The following CCSER2 variants were observed in gnomAD, a reference collection of about 807,000 sequenced individuals.
CCSER2 encodes coiled-coil serine rich protein 2.
CCSER2 carries 46 observed loss-of-function variants against 92.3 expected under a neutral mutation model. The observed-to-expected ratio is 0.50, with a 90% CI of 0.39 to 0.64. The LOEUF (loss-of-function observed/expected upper bound fraction) is 0.64. CCSER2 is among the 30% of genes least tolerant of loss of function. The probability of loss-of-function intolerance (pLI) is 0.00; values close to 1 mark genes in which losing one functional copy is unlikely to be tolerated. For synonymous variants in CCSER2, 433 were observed against 431.4 expected, an observed-to-expected ratio of 1.00 and a Z score of -0.04; for missense variants, 1,244 against 1,238.9, an observed-to-expected ratio of 1.00 and a Z score of -0.06.
At position 84,425,752 on chromosome 10, in the gene CCSER2, G is replaced by A. The variant is rs370948089; in HGVS notation, c.1727G>A (p.Arg576His). The change falls in exon 5 of 10, where the codon CGC (arginine) becomes CAC (histidine). Residue 576 changes from arginine to histidine, a missense_variant. Coordinates refer to ENST00000372088, the MANE Select transcript of CCSER2 (RefSeq NM_001284240.2). ...CTAGTGGAGTGTGACAATATGAACC[G>A]CTTTGACCGACCAGACAGAAATGTT... ...LENVECDNMN[R>H]FDRPDRNVRQ... The A allele has an allele frequency of 1.7e-5, 28 of 1,612,102 alleles. No individual in the cohort carries two copies. The highest frequency in any genetic ancestry group is 3.3e-5 in the South Asian group (3 of 90,782).
intron 1 of CCSER2, among the ~76,000 whole-genome samples, chr10:84,332,044 G>A (rs144639094): frequency 1.3e-5 from 2 of 152,252 alleles, no homozygotes; most frequent in East Asian, 3.9e-4. Flanking sequence ...GGGTATGAAG[G>A]TTTTGTTAAT....
chr10:84,450,233 C>G (rs1291236748), intron 6 of CCSER2, among the ~76,000 whole-genome samples: 1 of 152,098 alleles, frequency 6.6e-6, no homozygotes, highest in Non-Finnish European at 1.5e-5. Context: ...TGTTCGAAAA[C>G]TATAGGTTAA....
In CCSER2 at chr10:84,438,580, C is replaced by T; in HGVS notation, c.1937C>T (p.Ala646Val). ...TATGGAGGGATGCCCTTTTTCCAGG[C>T]TCAGAAGATGTTTGTTGATGTACCA... ...ESYGGMPFFQ[A>V]QKMFVDVPEN... is the part of the protein sequence containing the mutation. The change falls in exon 6 of 10, where the codon GCT becomes GTT. Residue 646 changes from alanine (A) to valine (V), a missense_variant. By Grantham distance (64) the Ala-to-Val change is moderately conservative (BLOSUM62 0). Transcript: ENST00000372088. The T allele has an allele frequency of 6.2e-7, 1 of 1,613,440 alleles. No homozygotes were observed.
At chr10:84,381,245 GCTTT>G (rs926559802) in intron 3 of CCSER2, among the ~76,000 whole-genome samples, 7 of 152,106 alleles carry the variant, frequency 4.6e-5, no homozygotes, top group African/African-American at 1.4e-4. Context: ...TTGTTATTTT[GCTTT>G]CTAATTGTTT....
At chr10:84,374,596 G>C (rs529093193) in intron 3 of CCSER2, among the ~76,000 whole-genome samples, 1 of 152,336 alleles carries the variant, frequency 6.6e-6, no homozygotes, top group South Asian at 2.1e-4. Context: ...GTACTAAAGG[G>C]ACAGGAAGTG....
chr10:84,468,504 G>C (rs934029888), intron 7 of CCSER2, among the ~76,000 whole-genome samples: 2 of 152,090 alleles, frequency 1.3e-5, no homozygotes, highest in African/African-American at 4.8e-5. Context: ...TGGTTTTGGT[G>C]GGGGAAAAAA....
At chr10:84,485,470 A>C (rs555312611) in intron 9 of CCSER2, among the ~76,000 whole-genome samples, 1 of 152,324 alleles carries the variant, frequency 6.6e-6, no homozygotes, top group East Asian at 1.9e-4. Context: ...ATAGTATCTT[A>C]CAGTGTTGAA....
In CCSER2 at chr10:84,395,248, G is replaced by C. The variant is rs1335787035; in HGVS notation, c.1614+21433G>C. On this transcript the variant is annotated intron_variant, in intron 3 of 9. Transcript: ENST00000372088. ...TAAAAAAAAAAAAAAAAAAAGAACAGAGTGTAATATGTTCCTTTTACCTAG... is the reference window on the plus strand; with the variant it reads ...TAAAAAAAAAAAAAAAAAAAGAACACAGTGTAATATGTTCCTTTTACCTAG... Among the ~76,000 whole-genome samples, 3 of 150,350 alleles carry C rather than the reference G, an allele frequency of 2.0e-5. No individual in the cohort carries two copies. In the South Asian group the frequency reaches 6.3e-4, roughly 32 times the overall value.
At chr10:84,443,380 A>G (rs1844698965) in intron 6 of CCSER2, among the ~76,000 whole-genome samples, 2 of 152,244 alleles carry the variant, frequency 1.3e-5, no homozygotes, top group South Asian at 4.1e-4. Flanking sequence ...TGCAGCCAAC[A>G]AACATGAAAA....
At chr10:84,499,686 ATAAC>A (rs1848621693) in intron 9 of CCSER2, among the ~76,000 whole-genome samples, 1 of 152,232 alleles carries the variant, frequency 6.6e-6, no homozygotes, top group African/African-American at 2.4e-5. Context: ...AATATTAAAA[ATAAC>A]TAGGTTTGGA....
rs1849601493 is a variant in CCSER2, at chr10:84,516,494, T to C, written c.*2227T>C. Reference sequence around the variant, plus strand: ...TCACATGTTGCAAATATGTGAATCATACTATATTCCCCTAAAGTAAAACCA... The same window carrying C: ...TCACATGTTGCAAATATGTGAATCACACTATATTCCCCTAAAGTAAAACCA... On this transcript the variant is annotated 3_prime_UTR_variant, in exon 10 of 10. Transcript: ENST00000372088. The C allele has an allele frequency of 6.6e-6, 1 of 152,224 alleles. No individual in the cohort carries two copies. Among genetic ancestry groups the C allele is most frequent in the African/African-American group, 2.4e-5 (1 of 41,460 alleles). The allele number at this position is 152,224 out of a possible 1,614,324, so 9.4% of individuals were successfully genotyped here.
At chr10:84,353,459 GC>G (rs1252374918) in intron 1 of CCSER2, among the ~76,000 whole-genome samples, 1 of 152,146 alleles carries the variant, frequency 6.6e-6, no homozygotes, top group Non-Finnish European at 1.5e-5. Context: ...TTTTCATTAT[GC>G]TTATGTTTTT....
chr10:84,508,843 A>G (rs1314235553), intron 9 of CCSER2, among the ~76,000 whole-genome samples: 2 of 152,198 alleles, frequency 1.3e-5, no homozygotes, highest in African/African-American at 2.4e-5. Context: ...CATCATTCTT[A>G]TATGCTTTAA....
chr10:84,506,015 A>G (rs1467028930), intron 9 of CCSER2, among the ~76,000 whole-genome samples: 1 of 151,976 alleles, frequency 6.6e-6, no homozygotes, highest in Non-Finnish European at 1.5e-5. Flanking sequence ...ACTCTACATC[A>G]TCTGAGAGGT....
intron 9 of CCSER2, among the ~76,000 whole-genome samples, chr10:84,482,538 A>G (rs1484141222): frequency 2.0e-5 from 3 of 152,238 alleles, no homozygotes; most frequent in African/African-American, 4.8e-5. Context: ...ATACTGTTTT[A>G]AAAGCATTTA....
At chr10:84,393,850 C>T (rs1476908896) in intron 3 of CCSER2, 2 of 152,122 alleles carry the variant, frequency 1.3e-5, no homozygotes, top group Non-Finnish European at 2.9e-5. Flanking sequence ...GTGATGCTAG[C>T]ATAGATGTGG....
At chr10:84,405,488 C>T (rs1842333188) in intron 3 of CCSER2, among the ~76,000 whole-genome samples, 1 of 151,968 alleles carries the variant, frequency 6.6e-6, no homozygotes, top group South Asian at 2.1e-4. Context: ...TTTGTTATAC[C>T]AAAGATACTG....
chr10:84,409,086 G>A (rs1269703097), intron 3 of CCSER2, among the ~76,000 whole-genome samples: 1 of 152,064 alleles, frequency 6.6e-6, no homozygotes, highest in East Asian at 1.9e-4. Flanking sequence ...CACCTCCCGG[G>A]TTCAAGAGAT....
intron 6 of CCSER2, among the ~76,000 whole-genome samples, chr10:84,453,837 TTATC>T (rs764855817): frequency 6.6e-6 from 1 of 152,192 alleles, no homozygotes; most frequent in Non-Finnish European, 1.5e-5. Context: ...AATTCTTTGT[TTATC>T]TTTATTAATA....
Sources: gnomAD v4.1 joint callset for allele counts (sites outside exome capture counted in the v4.1 genomes callset) on GRCh38, gnomAD v4.1.1 for gene constraint, MANE v1.5 for transcripts, NCBI Gene and HGNC (gene_info 2026-07-23, HGNC 2026-07-21) for gene names.